The following EYA3 variants were observed in gnomAD, a reference collection of about 807,000 sequenced individuals.
EYA3 encodes EYA transcriptional coactivator and phosphatase 3.
Under a neutral mutation model 80.0 loss-of-function variants are expected in EYA3, and 39 were observed. That is an observed-to-expected ratio of 0.49 (90% CI 0.38 to 0.64). The LOEUF (loss-of-function observed/expected upper bound fraction) is 0.64. Among genes scored for constraint, EYA3 ranks in the 30% least tolerant of loss-of-function variants. EYA3 has a pLI of 0.00. For synonymous variants in EYA3, 206 were observed against 232.8 expected (o/e 0.88, Z 1.05); for missense variants, 523 against 676.1 (o/e 0.77, Z 2.51).
chr1:28,076,762 CAG>C (rs1345874821), intron 1 of EYA3, among the ~76,000 whole-genome samples: 15 of 115,706 alleles, frequency 1.3e-4, no homozygotes, highest in African/African-American at 4.0e-4. Flanking sequence ...TTTTTTGAGA[CAG>C]AGTTTCGCTC....
At chr1:27,991,706 A>G (rs554688839) in intron 14 of EYA3, among the ~76,000 whole-genome samples, 14 of 152,038 alleles carry the variant, frequency 9.2e-5, no homozygotes, top group Non-Finnish European at 1.8e-4. Flanking sequence ...GTACCTATAT[A>G]TGATATACTC....
intron 2 of EYA3, among the ~76,000 whole-genome samples, chr1:28,053,153 C>CAAAAAAA (rs34075939): frequency 5.5e-5 from 4 of 72,520 alleles, no homozygotes; most frequent in Admixed American, 1.9e-4. Flanking sequence ...GACCCCGTCT[C>CAAAAAAA]AAAAAAAAAA....
At chr1:28,036,184 G>A in intron 5 of EYA3, among the ~76,000 whole-genome samples, 1 of 152,088 alleles carries the variant, frequency 6.6e-6, no homozygotes, top group East Asian at 1.9e-4. Flanking sequence ...ATCAACCCAA[G>A]GAACAATTTT....
In EYA3 at chr1:28,044,508, G is replaced by T. The variant is rs536788977; in HGVS notation, c.78-1858C>A. Among the ~76,000 whole-genome samples the T allele has an allele frequency of 2.6e-5, 4 of 152,268 alleles. No homozygotes were observed. The South Asian group carries it at 6.2e-4, about 24-fold the overall frequency. ...ATCATTCCTACATTCATGCACCCTA[G>T]AAAGAAGCTTGCTTTGTTCTTCTAC... On this transcript the variant is annotated intron_variant, in intron 3 of 17. Transcript: ENST00000373871.
At chr1:28,005,835 TG>T (rs1358684437) in intron 10 of EYA3, among the ~76,000 whole-genome samples, 1 of 152,158 alleles carries the variant, frequency 6.6e-6, no homozygotes, top group Non-Finnish European at 1.5e-5. Context: ...CCGGGCATGG[TG>T]GCTCATGCCT....
At chr1:27,974,647 A>G in intron 17 of EYA3, 101 bp from the exon 18 acceptor site, 1 of 904,214 alleles carries the variant, frequency 1.1e-6, no homozygotes, top group Non-Finnish European at 1.8e-6. Context: ...CCCAAGGTAC[A>G]TGGTAACCCT....
At chr1:28,086,251 T>C (rs1446407065) in intron 1 of EYA3, among the ~76,000 whole-genome samples, 2 of 152,002 alleles carry the variant, frequency 1.3e-5, no homozygotes, top group Non-Finnish European at 2.9e-5. Flanking sequence ...AGTCTCACTC[T>C]GTTGCCTTGT....
Position 27,993,499 on chromosome 1 carries a change from A to G in EYA3, c.1204T>C (p.Ser402Pro), listed in dbSNP as rs1164680644. ...TCCACACCTCCCTGAACACCCACAG[A>G]TGAACCATGGCTGCCACTACCTCCT... ...GSGGSGSHGS[S>P]VGVQGGVDWM... is the part of the protein sequence containing the mutation. The change falls in exon 14 of 18, where the codon TCT becomes CCT. Residue 402 changes from serine (S) to proline (P), a missense_variant. Ser to Pro is a moderately conservative substitution (Grantham distance 74). This residue lies in a region of EYA3 where 219 missense variants were observed against 332.8 expected (regional missense o/e 0.66). Coordinates refer to ENST00000373871, the MANE Select transcript of EYA3 (RefSeq NM_001990.4). 6.2e-7 allele frequency: 1 copy of G among 1,613,178 alleles called. No homozygotes were observed. Among genetic ancestry groups the G allele is most frequent in the Non-Finnish European group, 8.5e-7 (1 of 1,179,708 alleles).
At chr1:27,987,710 G>A (rs140768373) in intron 16 of EYA3, among the ~76,000 whole-genome samples, 157 of 152,078 alleles carry the variant, frequency 1.0e-3, no homozygotes, top group African/African-American at 2.8e-3. Flanking sequence ...ATTTAGAGAC[G>A]GAGTCTCGCT....
intron 3 of EYA3, 115 bp downstream of exon 3, chr1:28,048,268 A>G (rs1644101524): frequency 1.7e-6 from 1 of 598,256 alleles, no homozygotes; most frequent in Admixed American, 3.3e-5. Context: ...AAAATGTAAC[A>G]GCTGATGGTA....
At chr1:28,078,179 T>C (rs953456380) in intron 1 of EYA3, among the ~76,000 whole-genome samples, 2 of 152,224 alleles carry the variant, frequency 1.3e-5, no homozygotes, top group African/African-American at 4.8e-5. Flanking sequence ...CTAGCTCCAC[T>C]TAAGTTTTCC....
chr1:28,016,069 G>C (rs1294947102), intron 8 of EYA3, among the ~76,000 whole-genome samples: 1 of 152,176 alleles, frequency 6.6e-6, no homozygotes, highest in African/African-American at 2.4e-5. Context: ...ACATTATGTG[G>C]TTAAACATCC....
At chr1:28,047,470 G>A (rs1236884400) in intron 3 of EYA3, among the ~76,000 whole-genome samples, 1 of 152,122 alleles carries the variant, frequency 6.6e-6, no homozygotes, top group Non-Finnish European at 1.5e-5. Flanking sequence ...CGGGATGATA[G>A]TGTGTGGAGG....
At chr1:28,047,795 C>T (rs747547930) in intron 3 of EYA3, among the ~76,000 whole-genome samples, 4 of 152,002 alleles carry the variant, frequency 2.6e-5, no homozygotes, top group Non-Finnish European at 5.9e-5. Context: ...CCCGCCAACA[C>T]GCCCGGTTAA....
At chr1:28,039,208 G>A (rs575276490) in intron 4 of EYA3, among the ~76,000 whole-genome samples, 44 of 152,214 alleles carry the variant, frequency 2.9e-4, no homozygotes, top group African/African-American at 4.1e-4. Flanking sequence ...CTAAGCTTTC[G>A]GCTATGCTGA....
intron 1 of EYA3, among the ~76,000 whole-genome samples, chr1:28,071,130 G>A (rs1425537716): frequency 2.6e-5 from 4 of 152,008 alleles, no homozygotes; most frequent in African/African-American, 9.7e-5. Flanking sequence ...CACCATGTTG[G>A]CCAGGCTGGT....
chr1:28,007,493 C>T (rs1641375633), intron 10 of EYA3, among the ~76,000 whole-genome samples: 1 of 151,854 alleles, frequency 6.6e-6, no homozygotes, highest in African/African-American at 2.4e-5. Flanking sequence ...TGCCACCATG[C>T]CCGTCTAATT....
intron 2 of EYA3, among the ~76,000 whole-genome samples, chr1:28,056,501 A>G (rs978204308): frequency 6.6e-6 from 1 of 152,184 alleles, no homozygotes; most frequent in Non-Finnish European, 1.5e-5. Flanking sequence ...AGTGGCACTG[A>G]TCTCTCCATG....
At chr1:28,027,690 C>T in intron 7 of EYA3, 99 bp downstream of exon 7, 3 of 1,472,016 alleles carry the variant, frequency 2.0e-6, no homozygotes, top group Non-Finnish European at 2.8e-6. Flanking sequence ...AGACAGAGCT[C>T]CTGTATTATC....
Sources: allele counts gnomAD v4.1 joint callset (sites outside exome capture counted in the v4.1 genomes callset), GRCh38; gene constraint gnomAD v4.1.1; regional missense constraint gnomAD v4.1.1; transcripts MANE v1.5; gene names NCBI Gene and HGNC (gene_info 2026-07-23, HGNC 2026-07-21).